The following MAGI1 variants were observed in gnomAD, a reference collection of about 807,000 sequenced individuals.
The protein encoded by MAGI1 is membrane associated guanylate kinase, WW and PDZ domain containing 1, also known as membrane-associated guanylate kinase, WW and PDZ domain-containing protein 1.
A neutral mutation model predicts 139.9 loss-of-function variants in MAGI1; 58 were observed. The observed-to-expected ratio is 0.41, with a 90% CI of 0.34 to 0.52. MAGI1 has a LOEUF of 0.52. Among genes scored for constraint, MAGI1 ranks in the 20% least tolerant of loss-of-function variants. The pLI is 0.12. For missense variants in MAGI1, 1,874 were observed against 1,901.6 expected, an observed-to-expected ratio of 0.99 and a Z score of 0.27; for synonymous variants, 812 against 737.9, an observed-to-expected ratio of 1.10 and a Z score of -1.63.
At chr3:65,489,230 A>G (rs1951828548) in intron 3 of MAGI1, among the ~76,000 whole-genome samples, 1 of 152,174 alleles carries the variant, frequency 6.6e-6, no homozygotes, top group African/African-American at 2.4e-5. Flanking sequence ...TATGTGCCAC[A>G]CAAGCCCTAG....
intron 18 of MAGI1, among the ~76,000 whole-genome samples, chr3:65,373,245 C>T (rs1180134721): frequency 1.3e-5 from 2 of 152,178 alleles, no homozygotes; most frequent in East Asian, 3.9e-4. Flanking sequence ...TTCAATACTG[C>T]TTTATCTTGG....
chr3:65,453,340 G>A lies in MAGI1; in HGVS notation c.960C>T (p.Asp320=). 6.3e-7 allele frequency: 1 copy of A among 1,587,382 alleles called. No homozygotes were observed. Among genetic ancestry groups the A allele is most frequent in the South Asian group, 1.2e-5 (1 of 86,704 alleles). ...YTENGEVYFI[D]HNTKTTSWLD... is the part of the protein sequence containing the mutation. The stretch of plus-strand genomic sequence containing the variant: ...ACCAAGATGTTGTTTTCGTGTTATG[G>A]CTGCAATCCAGAAACAAAAATAAGA... The change falls in exon 6 of 23, where the codon GAC becomes GAT. Residue 320 remains aspartate, a splice_region_variant and synonymous_variant. Transcript: ENST00000402939.
chr3:65,535,482 G>A (rs2078922079), intron 2 of MAGI1, among the ~76,000 whole-genome samples: 1 of 152,178 alleles, frequency 6.6e-6, no homozygotes, highest in Non-Finnish European at 1.5e-5. Flanking sequence ...TTTTCTACGA[G>A]TAAAGTTTGT....
At chr3:65,556,684 T>C (rs767789497) in intron 2 of MAGI1, among the ~76,000 whole-genome samples, 9 of 152,242 alleles carry the variant, frequency 5.9e-5, no homozygotes, top group Non-Finnish European at 7.3e-5. Flanking sequence ...ATAATAGCTT[T>C]CAAGCTGGCT....
chr3:65,619,492 C>T (rs1159166206), intron 2 of MAGI1, among the ~76,000 whole-genome samples: 1 of 152,194 alleles, frequency 6.6e-6, no homozygotes. Context: ...GAGGTCACCT[C>T]TGTTCAAAAT....
intron 1 of MAGI1, among the ~76,000 whole-genome samples, chr3:65,905,490 TAAAA>T (rs34695349): frequency 7.0e-6 from 1 of 142,156 alleles, no homozygotes; most frequent in South Asian, 2.3e-4. Context: ...GACCTTGCCT[TAAAA>T]AAAAAAAAAA....
At chr3:65,464,110 T>A (rs944513424) in intron 5 of MAGI1, among the ~76,000 whole-genome samples, 1 of 152,196 alleles carries the variant, frequency 6.6e-6, no homozygotes, top group Non-Finnish European at 1.5e-5. Flanking sequence ...TAATTCCTAA[T>A]ATTGACAATT....
intron 2 of MAGI1, among the ~76,000 whole-genome samples, chr3:65,621,338 A>T (rs1389032571): frequency 6.6e-6 from 1 of 152,122 alleles, no homozygotes; most frequent in Non-Finnish European, 1.5e-5. Context: ...CTTTAAAGAC[A>T]CTCTGCTTTC....
At chr3:65,849,544 T>C (rs913333290) in intron 1 of MAGI1, among the ~76,000 whole-genome samples, 2 of 151,128 alleles carry the variant, frequency 1.3e-5, no homozygotes, top group African/African-American at 4.9e-5. Flanking sequence ...CAAATATACA[T>C]ATATACACAT....
At chr3:65,480,654 C>T (rs1951223526) in intron 3 of MAGI1, among the ~76,000 whole-genome samples, 2 of 147,032 alleles carry the variant, frequency 1.4e-5, no homozygotes, top group African/African-American at 2.5e-5. Flanking sequence ...GGCACGATCT[C>T]GGCTCACTGC....
intron 1 of MAGI1, among the ~76,000 whole-genome samples, chr3:65,944,586 A>G (rs1160611051): frequency 1.3e-5 from 2 of 152,170 alleles, no homozygotes; most frequent in African/African-American, 4.8e-5. Context: ...GAGAAAAAGA[A>G]CTAAGGAAAG....
intron 1 of MAGI1, among the ~76,000 whole-genome samples, chr3:65,870,206 A>G (rs1249877775): frequency 6.6e-6 from 1 of 152,140 alleles, no homozygotes; most frequent in Non-Finnish European, 1.5e-5. Context: ...AACTTAATTT[A>G]ATAGGCTGCC....
intron 5 of MAGI1, among the ~76,000 whole-genome samples, chr3:65,454,692 T>A (rs1949275548): frequency 6.6e-6 from 1 of 151,128 alleles, no homozygotes. Flanking sequence ...TTGCCAAAGT[T>A]TTTTATTTTT....
chr3:65,772,210 G>T (rs2038013642), intron 1 of MAGI1, among the ~76,000 whole-genome samples: 1 of 151,620 alleles, frequency 6.6e-6, no homozygotes, highest in East Asian at 1.9e-4. Flanking sequence ...AAAAGAAAAA[G>T]AAAAAAAAGA....
intron 1 of MAGI1, among the ~76,000 whole-genome samples, chr3:65,854,034 G>C (rs1001267616): frequency 6.6e-6 from 1 of 152,112 alleles, no homozygotes; most frequent in Admixed American, 6.5e-5. Context: ...CTTGAACCAG[G>C]GAGGTGGAGG....
At chr3:65,962,456 C>T (rs2064488109) in intron 1 of MAGI1, among the ~76,000 whole-genome samples, 1 of 152,052 alleles carries the variant, frequency 6.6e-6, no homozygotes, top group Non-Finnish European at 1.5e-5. Flanking sequence ...TAAAGTTCCT[C>T]CAGGAACTAC....
chr3:65,553,874 C>G (rs1048363416), intron 2 of MAGI1, among the ~76,000 whole-genome samples: 1 of 152,100 alleles, frequency 6.6e-6, no homozygotes, highest in Non-Finnish European at 1.5e-5. Context: ...ATCTCTATTA[C>G]AAAATACAAA....
intron 1 of MAGI1, among the ~76,000 whole-genome samples, chr3:65,775,249 C>G (rs1577073029): frequency 6.6e-6 from 1 of 151,764 alleles, no homozygotes; most frequent in South Asian, 2.1e-4. Context: ...AGTTTCAGAC[C>G]AGCCTGGGCA....
At position 66,000,442 on chromosome 3, in the gene MAGI1, G is replaced by A. The variant is rs537817129; in HGVS notation, c.313+37554C>T. Among the ~76,000 whole-genome samples the A allele has an allele frequency of 2.6e-5, 4 of 151,590 alleles. No individual in the cohort carries two copies. The South Asian group carries it at 6.2e-4, about 24-fold the overall frequency. On this transcript the variant is annotated intron_variant, in intron 1 of 22. Transcript: ENST00000402939. ...ATTAAATTTTCTTATTGAAATAAAC[G>A]CAGGGTTTAAAAAAAAAAATTTTTA...
Sources: allele counts gnomAD v4.1 joint callset (sites outside exome capture counted in the v4.1 genomes callset), GRCh38; gene constraint gnomAD v4.1.1; transcripts MANE v1.5; gene names NCBI Gene and HGNC (gene_info 2026-07-23, HGNC 2026-07-21).